Variants in IL18R1 observed in about 807,000 individuals in gnomAD.
IL18R1 encodes the protein interleukin 18 receptor 1.
IL18R1 carries 40 observed loss-of-function variants against 48.5 expected under a neutral mutation model. The observed-to-expected ratio is 0.82, with a 90% confidence interval of 0.64 to 1.07. IL18R1 has a LOEUF of 1.07. IL18R1 is among the 50% of genes least tolerant of loss of function. The pLI is 0.00. For synonymous variants in IL18R1, 232 were observed against 225.9 expected (o/e 1.03, Z -0.24); for missense variants, 596 against 633.7 (o/e 0.94, Z 0.64).
At chr2:102,394,439 T>C (rs751380820) in intron 9 of IL18R1, 30 bp from the exon 10 acceptor site, 1 of 1,542,182 alleles carries the variant, frequency 6.5e-7, no homozygotes, top group South Asian at 1.2e-5. Context: ...TATTTACACA[T>C]GAATTAAAAG....
intron 5 of IL18R1, among the ~76,000 whole-genome samples, chr2:102,378,359 A>G (rs1319279551): frequency 6.6e-6 from 1 of 152,220 alleles, no homozygotes; most frequent in African/African-American, 2.4e-5. Flanking sequence ...GGGTTGGCTG[A>G]CAATGACTGA....
chr2:102,373,274 A>T (rs2041740), intron 4 of IL18R1, among the ~76,000 whole-genome samples: 1 of 152,000 alleles, frequency 6.6e-6, no homozygotes, highest in South Asian at 2.1e-4. Flanking sequence ...GGAATACTAT[A>T]CAGCCATAAA....
Position 102,381,695 on chromosome 2 carries a change from A to G in IL18R1, c.688+13A>G, listed in dbSNP as rs1486444238. On this transcript the variant is annotated intron_variant, in intron 6 of 10. Transcript: ENST00000233957. ...GCAGTGGAATTAGGTATATTTCAAT[A>G]TACATATATTCTGCATTTATAAGTA... is the stretch of plus-strand genomic sequence containing the variant. The G allele has an allele frequency of 1.9e-6, 3 of 1,576,624 alleles. No homozygotes were observed. The highest frequency in any genetic ancestry group is 2.6e-6 in the Non-Finnish European group (3 of 1,146,146).
chr2:102,371,812 A>G (rs113274163), intron 3 of IL18R1, 141 bp from the exon 4 acceptor site: 1 of 582,432 alleles, frequency 1.7e-6, no homozygotes, highest in Non-Finnish European at 3.0e-6. Flanking sequence ...GCGGAGGCAG[A>G]GCAGGGTTTG....
chr2:102,378,330 T>C (rs956453285), intron 5 of IL18R1, among the ~76,000 whole-genome samples: 4 of 152,182 alleles, frequency 2.6e-5, no homozygotes, highest in Admixed American at 2.6e-4. Flanking sequence ...AATGGGACAG[T>C]AATGGTTCAT....
chr2:102,379,179 C>G (rs950513980), intron 5 of IL18R1, among the ~76,000 whole-genome samples: 8 of 152,154 alleles, frequency 5.3e-5, no homozygotes, highest in Non-Finnish European at 8.8e-5. Context: ...TGTGGTGGCT[C>G]ATGCTGGTAA....
intron 8 of IL18R1, among the ~76,000 whole-genome samples, chr2:102,388,427 A>T (rs920074820): frequency 1.3e-5 from 2 of 152,232 alleles, no homozygotes; most frequent in Non-Finnish European, 2.9e-5. Context: ...TACCTTCTGC[A>T]GGGCTTGTCG....
chr2:102,363,763 G>T (rs11465572), intron 2 of IL18R1, among the ~76,000 whole-genome samples: 14,616 of 152,220 alleles, frequency 0.096, 769 homozygotes, highest in Middle Eastern at 0.31. Context: ...ACATGACAAT[G>T]TTCTACATGT....
Position 102,375,938 on chromosome 2 carries a change from A to G in IL18R1, c.500A>G (p.Lys167Arg), listed in dbSNP as rs772633602. 3.1e-6 allele frequency: 5 copies of G among 1,599,468 alleles called. No individual in the cohort carries two copies. In the South Asian group the frequency reaches 5.7e-5, roughly 18 times the overall value. ...NCKKLLLENN[K>R]NPTIKKNAEF... ...AAAAAGCTACTACTGGAGAACAATA[A>G]AAACCCAACGATAAAGAAGAACGCC... The change falls in exon 5 of 11, where the codon AAA becomes AGA. Residue 167 changes from lysine (K) to arginine (R), a missense_variant. Lys to Arg is a conservative substitution (Grantham distance 26). This residue lies in a region of IL18R1 where 360 missense variants were observed against 339.4 expected (regional missense o/e 1.06). Transcript: ENST00000233957.
chr2:102,394,397 C>A, intron 9 of IL18R1, 72 bp from the exon 10 acceptor site: 2 of 1,236,844 alleles, frequency 1.6e-6, no homozygotes, highest in Non-Finnish European at 2.3e-6. Flanking sequence ...TTACTTACGA[C>A]ATTCACTTAA....
chr2:102,382,569 C>T (rs1679980289), intron 6 of IL18R1, among the ~76,000 whole-genome samples: 1 of 152,138 alleles, frequency 6.6e-6, no homozygotes, highest in Non-Finnish European at 1.5e-5. Context: ...TGAATTAAAT[C>T]CTCCAAGCAA....
At chr2:102,374,221 C>A (rs900280020) in intron 4 of IL18R1, among the ~76,000 whole-genome samples, 2 of 152,138 alleles carry the variant, frequency 1.3e-5, no homozygotes, top group Non-Finnish European at 2.9e-5. Context: ...AATAATATGA[C>A]TCTGTCGTGG....
intron 3 of IL18R1, among the ~76,000 whole-genome samples, chr2:102,371,694 C>A (rs188557696): frequency 6.6e-6 from 1 of 152,024 alleles, no homozygotes; most frequent in Admixed American, 6.5e-5. Context: ...AGGATATGTG[C>A]GTGTGTGCGT....
intron 8 of IL18R1, among the ~76,000 whole-genome samples, chr2:102,388,559 C>T (rs954748523): frequency 9.9e-5 from 15 of 152,218 alleles, no homozygotes; most frequent in Admixed American, 2.0e-4. Flanking sequence ...TGCTCACCAC[C>T]GGATCACCTC....
chr2:102,380,630 C>T (rs753081823), intron 5 of IL18R1, among the ~76,000 whole-genome samples: 78 of 152,310 alleles, frequency 5.1e-4, no homozygotes, highest in Non-Finnish European at 1.0e-3. Context: ...TGTTCTTGCT[C>T]ACATATCTGC....
intron 6 of IL18R1, among the ~76,000 whole-genome samples, chr2:102,382,257 G>T (rs1469189691): frequency 6.6e-6 from 1 of 152,084 alleles, no homozygotes; most frequent in Non-Finnish European, 1.5e-5. Context: ...GGGCAACGGA[G>T]CAAGACTCTA....
At position 102,398,013 on chromosome 2, in the gene IL18R1, A is replaced by G. The variant is rs1680909878; in HGVS notation, c.*1127A>G. The G allele has an allele frequency of 6.6e-6, 1 of 152,196 alleles. No individual in the cohort carries two copies. Among genetic ancestry groups the G allele is most frequent in the Non-Finnish European group, 1.5e-5 (1 of 68,028 alleles). 9.4% of individuals were successfully genotyped at this position (152,196 alleles called of 1,614,324 possible). ...GCACTCCGTCAGTGTTGCCATGACT[A>G]TTTTTATTATCATTATTAATGATTA... is the stretch of plus-strand genomic sequence containing the variant. On this transcript the variant is annotated 3_prime_UTR_variant, in exon 11 of 11. Transcript: ENST00000233957.
At chr2:102,377,362 C>T (rs1035263369) in intron 5 of IL18R1, among the ~76,000 whole-genome samples, 2 of 152,140 alleles carry the variant, frequency 1.3e-5, no homozygotes, top group South Asian at 4.1e-4. Flanking sequence ...GCCTAGGCTG[C>T]AGTGCAGTGG....
intron 5 of IL18R1, among the ~76,000 whole-genome samples, chr2:102,376,931 G>T (rs570262278): frequency 3.3e-5 from 5 of 152,052 alleles, no homozygotes; most frequent in African/African-American, 1.2e-4. Context: ...ATCCCTTCTC[G>T]TAGCTTCCAA....
Sources: allele counts gnomAD v4.1 joint callset (sites outside exome capture counted in the v4.1 genomes callset), GRCh38; gene constraint gnomAD v4.1.1; regional missense constraint gnomAD v4.1.1; transcripts MANE v1.5; gene names NCBI Gene and HGNC (gene_info 2026-07-23, HGNC 2026-07-21).